Variants in TRIOBP observed in about 807,000 individuals in gnomAD.
TRIOBP encodes the protein TRIO and F-actin binding protein.
A neutral mutation model predicts 238.8 loss-of-function variants in TRIOBP; 169 were observed. That is an observed-to-expected ratio of 0.71 (90% CI 0.62 to 0.80). The LOEUF is 0.80. TRIOBP is among the 30% of genes least tolerant of loss of function. TRIOBP has a pLI of 0.00. For synonymous variants in TRIOBP, 1,150 were observed against 1,274.4 expected (o/e 0.90, Z 2.08); for missense variants, 2,838 against 3,122.6 (o/e 0.91, Z 2.17).
intron 3 of TRIOBP, among the ~76,000 whole-genome samples, chr22:37,705,293 T>G (rs532342764): frequency 9.8e-5 from 14 of 143,380 alleles, no homozygotes; most frequent in African/African-American, 3.4e-4. Flanking sequence ...GAGAATCTCT[T>G]GAACCCAGGA....
At chr22:37,766,188 A>G (rs562032132) in intron 18 of TRIOBP, among the ~76,000 whole-genome samples, 7 of 152,244 alleles carry the variant, frequency 4.6e-5, no homozygotes, top group African/African-American at 1.7e-4. Context: ...CCCTGGGCAC[A>G]TGGGCCAGAC....
Position 37,750,803 on chromosome 22 carries a change from G to A in TRIOBP, c.5323-969G>A, listed in dbSNP as rs1925550651. ...GGGTCGGGAGAGGTGGCCAGGCAGG[G>A]TGGCTGTGGTTTCCAGCTGCCACTG... is the stretch of plus-strand genomic sequence containing the variant. On this transcript the variant is annotated intron_variant, in intron 11 of 23. Coordinates refer to ENST00000644935, the MANE Select transcript of TRIOBP (RefSeq NM_001039141.3). 12 of 459,102 alleles carry A rather than the reference G, an allele frequency of 2.6e-5. 1 individual carries two copies. Among genetic ancestry groups the A allele is most frequent in the South Asian group, 1.9e-4 (12 of 63,988 alleles). The allele number at this position is 459,102 out of a possible 1,614,324, so 28.4% of individuals were successfully genotyped here.
At position 37,725,094 on chromosome 22, in the gene TRIOBP, C is replaced by CACTTGTA; in HGVS notation, c.2539_2545dup (p.Thr849AsnfsTer55). The CACTTGTA allele has an allele frequency of 6.2e-7, 1 of 1,614,170 alleles. No individual in the cohort carries two copies. The highest frequency in any genetic ancestry group is 8.5e-7 in the Non-Finnish European group (1 of 1,180,040). On this transcript the variant is annotated frameshift_variant, in exon 7 of 24. Coordinates refer to ENST00000644935, the MANE Select transcript of TRIOBP (RefSeq NM_001039141.3). LOFTEE classifies it high-confidence loss of function. Reference sequence around the variant, plus strand: ...GTACCAAACGAGATAACCTCAGACCCACTTGTACACAGCGGGACCGCACAC... The same window carrying CACTTGTA: ...GTACCAAACGAGATAACCTCAGACCCACTTGTAACTTGTACACAGCGGGACCGCACAC...
chr22:37,771,577 G>A lies in TRIOBP; in HGVS notation c.6850-73G>A, dbSNP rs534370897. 4.3e-4 allele frequency: 583 copies of A among 1,370,904 alleles called. 1 individual carries two copies. Among genetic ancestry groups the A allele is most frequent in the Non-Finnish European group, 5.4e-4 (516 of 960,990 alleles). The allele number at this position is 1,370,904 out of a possible 1,614,324, so 84.9% of individuals were successfully genotyped here. A position where few individuals can be genotyped will look rare whatever the true frequency, so the allele number is the denominator to read the frequency against. ...TAGGGGCCTGAGGCAGAGAGAACCC[G>A]GGCTGCAGGGCACTATGGGCCAGGG... On this transcript the variant is annotated intron_variant, in intron 21 of 23. Transcript: ENST00000644935.
Position 37,751,383 on chromosome 22 carries a change from A to G in TRIOBP, c.5323-389A>G, listed in dbSNP as rs1425605830. On this transcript the variant is annotated intron_variant, in intron 11 of 23. Transcript: ENST00000644935. ...TCCTCGTCAGAGGGAGGAACTGGAC[A>G]GTTCGCGCAGTGCTGCTGGTCTGGA... 1.4e-5 allele frequency: 5 copies of G among 352,606 alleles called. No homozygotes were observed. The East Asian group carries it at 3.6e-4, about 25-fold the overall frequency. The allele number at this position is 352,606 out of a possible 1,614,324, so 21.8% of individuals were successfully genotyped here. A position where few individuals can be genotyped will look rare whatever the true frequency, so the allele number is the denominator to read the frequency against.
Position 37,725,420 on chromosome 22 carries a change from C to T in TRIOBP, c.2864C>T (p.Pro955Leu), listed in dbSNP as rs1209829877. 1 of 1,610,504 alleles carries T rather than the reference C, an allele frequency of 6.2e-7. No homozygotes were observed. The highest frequency in any genetic ancestry group is 8.5e-7 in the Non-Finnish European group (1 of 1,177,754). Reference protein sequence around the residue: ...DRPQTSSPSRPAQHDPPQSSF... With the variant: ...DRPQTSSPSRLAQHDPPQSSF... ...CCTCAGACATCCTCTCCCAGCAGGC[C>T]AGCCCAGCATGACCCACCCCAGTCC... Residue 955 changes from proline (P) to leucine (L), a missense_variant, in exon 7 of 24, where the codon CCA becomes CTA. Coordinates refer to ENST00000644935, the MANE Select transcript of TRIOBP (RefSeq NM_001039141.3).
At chr22:37,744,481 TTGG>T (rs1925117923) in intron 11 of TRIOBP, among the ~76,000 whole-genome samples, 1 of 152,194 alleles carries the variant, frequency 6.6e-6, no homozygotes. Flanking sequence ...TCTGTCAGCA[TTGG>T]TGATGTGTGG....
intron 2 of TRIOBP, among the ~76,000 whole-genome samples, chr22:37,699,848 G>A (rs550131600): frequency 5.3e-5 from 8 of 149,852 alleles, no homozygotes; most frequent in African/African-American, 1.5e-4. Context: ...GCCAGGAATC[G>A]CTTCTTTATT....
chr22:37,740,942 C>T lies in TRIOBP; in HGVS notation c.5232C>T (p.Gly1744=). ...GCAAGGCTGGGAGCCCGCTCAAGGGCCGACTGGTGACCTCATGGCGGATGC... is the reference window on the plus strand; with the variant it reads ...GCAAGGCTGGGAGCCCGCTCAAGGGTCGACTGGTGACCTCATGGCGGATGC... The part of the protein sequence containing the change: ...AEGKAGSPLK[G]RLVTSWRMPG... The change falls in exon 11 of 24, where the codon GGC becomes GGT. Residue 1744 remains glycine, a synonymous_variant. Coordinates refer to ENST00000644935, the MANE Select transcript of TRIOBP (RefSeq NM_001039141.3). 1 of 1,569,544 alleles carries T rather than the reference C, an allele frequency of 6.4e-7. No individual in the cohort carries two copies. The highest frequency in any genetic ancestry group is 8.6e-7 in the Non-Finnish European group (1 of 1,157,050).
At position 37,723,882 on chromosome 22, in the gene TRIOBP, T is replaced by C. The variant is rs1923967274; in HGVS notation, c.1326T>C (p.Ser442=). The change falls in exon 7 of 24, where the codon TCT becomes TCC. Residue 442 remains serine, a synonymous_variant. Transcript: ENST00000644935. ...AGCGGGACAATCCCAGAGCCTCCTC[T>C]CCCAGTAGAGCTACACGAGACAACC... ...CAQRDNPRAS[S]PSRATRDNPT... 1 of 1,562,532 alleles carries C rather than the reference T, an allele frequency of 6.4e-7. No individual in the cohort carries two copies. Among genetic ancestry groups the C allele is most frequent in the Admixed American group, 1.8e-5 (1 of 54,348 alleles).
Position 37,710,507 on chromosome 22 carries a change from C to A in TRIOBP, c.195C>A (p.Ser65Arg). The change falls in exon 4 of 24, where the codon AGC becomes AGA. Residue 65 changes from serine (S) to arginine (R), a missense_variant. Ser to Arg is a moderately radical substitution (Grantham distance 110). This residue lies in a region of TRIOBP where 535 missense variants were observed against 537.3 expected (regional missense o/e 1.00). Coordinates refer to ENST00000644935, the MANE Select transcript of TRIOBP (RefSeq NM_001039141.3). ...RCPPAPEDPL[S>R]ASTSGCQSVV... Reference sequence around the variant, plus strand: ...CACCTGCCCCTGAGGACCCACTCAGCGCCTCAACCTCCGGCTGCCAGTCTG... The same window carrying A: ...CACCTGCCCCTGAGGACCCACTCAGAGCCTCAACCTCCGGCTGCCAGTCTG... 6.2e-7 allele frequency: 1 copy of A among 1,612,260 alleles called. No homozygotes were observed. Among genetic ancestry groups the A allele is most frequent in the Non-Finnish European group, 8.5e-7 (1 of 1,179,780 alleles).
At chr22:37,700,823 C>T (rs913280036) in intron 2 of TRIOBP, among the ~76,000 whole-genome samples, 1 of 152,194 alleles carries the variant, frequency 6.6e-6, no homozygotes, top group African/African-American at 2.4e-5. Flanking sequence ...TCCCAAGTAG[C>T]TGGGATTACA....
intron 2 of TRIOBP, among the ~76,000 whole-genome samples, chr22:37,699,415 C>T (rs1443471027): frequency 6.6e-6 from 1 of 152,030 alleles, no homozygotes; most frequent in Non-Finnish European, 1.5e-5. Flanking sequence ...GCCACTGCGA[C>T]CTTCAGTGAC....
At chr22:37,755,474 C>G in intron 14 of TRIOBP, 76 bp from the exon 15 acceptor site, 2 of 1,378,890 alleles carry the variant, frequency 1.5e-6, no homozygotes, top group Non-Finnish European at 2.1e-6. Flanking sequence ...GAAGGGCCAC[C>G]CTCCCTGGGG....
intron 3 of TRIOBP, among the ~76,000 whole-genome samples, chr22:37,702,285 A>C (rs565444863): frequency 2.6e-4 from 39 of 151,764 alleles, no homozygotes; most frequent in African/African-American, 8.7e-4. Context: ...GCTCACTGCA[A>C]TCTCTGCCTC....
chr22:37,722,458 G>T (rs1360862798), intron 6 of TRIOBP, among the ~76,000 whole-genome samples: 3 of 147,882 alleles, frequency 2.0e-5, no homozygotes, highest in African/African-American at 7.5e-5. Context: ...CGGGCATGGT[G>T]GCTCACGCCT....
rs566948219 is a variant in TRIOBP, at chr22:37,769,317, C to T, written c.6791C>T (p.Ser2264Leu). The T allele has an allele frequency of 5.7e-5, 92 of 1,611,924 alleles. No individual in the cohort carries two copies. The highest frequency in any genetic ancestry group is 1.2e-4 in the South Asian group (11 of 90,808). The change falls in exon 21 of 24, where the codon TCG (serine) becomes TTG (leucine). Residue 2264 changes from serine to leucine, a missense_variant. Ser to Leu is a moderately radical substitution (Grantham distance 145, BLOSUM62 -2). This residue lies in a region of TRIOBP where 2,096 missense variants were observed against 2,137.4 expected (regional missense o/e 0.98). Transcript: ENST00000644935. ...GACCAGCTGCGCGGCTTCATTGCCT[C>T]GCAGGGCATGGGCAATGGCTGCGGG... The part of the protein sequence containing the change: ...EIDQLRGFIA[S>L]QGMGNGCGRS...
chr22:37,771,853 C>G (rs1926792818), intron 22 of TRIOBP, 117 bp downstream of exon 22: 2 of 903,114 alleles, frequency 2.2e-6, no homozygotes, highest in Admixed American at 2.0e-5. Flanking sequence ...CTCAGGCTCT[C>G]CTGTGCTTCT....
chr22:37,744,199 G>A (rs563623831), intron 11 of TRIOBP, among the ~76,000 whole-genome samples: 85 of 151,916 alleles, frequency 5.6e-4, no homozygotes, highest in Non-Finnish European at 1.1e-3. Context: ...TACCAGAGAC[G>A]GGGTTTCACC....
Sources: gnomAD v4.1 joint callset for allele counts (sites outside exome capture counted in the v4.1 genomes callset) on GRCh38, gnomAD v4.1.1 for gene constraint, gnomAD v4.1.1 regional missense constraint, MANE v1.5 for transcripts, NCBI Gene and HGNC (gene_info 2026-07-23, HGNC 2026-07-21) for gene names.